Variants in CDC20B observed in about 807,000 individuals in gnomAD.
CDC20B encodes cell division cycle 20B.
Under a neutral mutation model 64.1 loss-of-function variants are expected in CDC20B, and 58 were observed. That is an observed-to-expected ratio of 0.90 (90% CI 0.73 to 1.13). CDC20B has a LOEUF of 1.13. Ranked by LOEUF, CDC20B falls within the 50% of genes most tolerant of loss-of-function variation. The pLI is 0.00. For synonymous variants in CDC20B, 243 were observed against 230.6 expected (o/e 1.05, Z -0.49); for missense variants, 597 against 633.0 (o/e 0.94, Z 0.61).
At chr5:55,131,747 T>G (rs1428805196) in intron 6 of CDC20B, among the ~76,000 whole-genome samples, 2 of 152,142 alleles carry the variant, frequency 1.3e-5, no homozygotes, top group Admixed American at 6.5e-5. Context: ...TTTTGAAAGT[T>G]GTACTGTCAA....
At chr5:55,152,862 G>T (rs866890836) in intron 2 of CDC20B, among the ~76,000 whole-genome samples, 4 of 152,146 alleles carry the variant, frequency 2.6e-5, no homozygotes, top group Admixed American at 2.0e-4. Context: ...CCTAGAGGCA[G>T]TTAGTACTAA....
chr5:55,129,738 G>A (rs1213153055), intron 6 of CDC20B, among the ~76,000 whole-genome samples: 1 of 152,226 alleles, frequency 6.6e-6, no homozygotes, highest in Non-Finnish European at 1.5e-5. Flanking sequence ...TGATCCACAT[G>A]TATGAGATAC....
At chr5:55,160,986 TCCGG>T (rs1425149560) in intron 2 of CDC20B, 1 of 1,587,910 alleles carries the variant, frequency 6.3e-7, no homozygotes, top group Admixed American at 1.8e-5. Context: ...TTTTTCTTTT[TCCGG>T]GAGGTTTCAC....
chr5:55,143,394 G>T, intron 4 of CDC20B, 119 bp downstream of exon 4: 1 of 1,017,974 alleles, frequency 9.8e-7, no homozygotes, highest in Non-Finnish European at 1.4e-6. Flanking sequence ...TTTTTATCAG[G>T]AATGCATCAT....
intron 5 of CDC20B, among the ~76,000 whole-genome samples, chr5:55,139,882 C>A (rs937358680): frequency 6.6e-6 from 1 of 151,974 alleles, no homozygotes; most frequent in Non-Finnish European, 1.5e-5. Context: ...AAAAAATTAA[C>A]CAGGCATGGT....
At chr5:55,124,641 A>T (rs1382330374) in intron 9 of CDC20B, among the ~76,000 whole-genome samples, 162 bp downstream of exon 9, 2 of 152,242 alleles carry the variant, frequency 1.3e-5, no homozygotes, top group African/African-American at 4.8e-5. Context: ...AGTGGAAAGT[A>T]TAAATAGGGT....
rs538900655 is a variant in CDC20B, at chr5:55,135,155, G to A, written c.581-1627C>T. ...CATGTGTGGTGACAAGGGATATAAG[G>A]GAACCTGCACCTTCTGCCTAACTTT... On this transcript the variant is annotated intron_variant, in intron 5 of 11. Transcript: ENST00000381375. Among the ~76,000 whole-genome samples the A allele has an allele frequency of 1.4e-4, 22 of 151,992 alleles. No individual in the cohort carries two copies. The South Asian group carries it at 2.3e-3, about 16-fold the overall frequency.
chr5:55,162,133 C>T (rs564276411), intron 2 of CDC20B, among the ~76,000 whole-genome samples: 5 of 150,474 alleles, frequency 3.3e-5, no homozygotes, highest in African/African-American at 7.3e-5. Flanking sequence ...CGGTGGCTCA[C>T]GCCTGTAATC....
intron 5 of CDC20B, among the ~76,000 whole-genome samples, chr5:55,136,331 G>A (rs1017867496): frequency 1.3e-5 from 2 of 151,906 alleles, no homozygotes; most frequent in Non-Finnish European, 1.5e-5. Flanking sequence ...AGGCCAAGGT[G>A]GGCAGATCAT....
At chr5:55,118,560 C>T (rs1190005954) in intron 11 of CDC20B, among the ~76,000 whole-genome samples, 1 of 152,190 alleles carries the variant, frequency 6.6e-6, no homozygotes, top group Admixed American at 6.5e-5. Flanking sequence ...CCATACCTAG[C>T]TGCTGGAATT....
rs1277791606 is a variant in CDC20B at position 55,120,382 on chromosome 5, C to T, written c.1341+43G>A. On this transcript the variant is annotated intron_variant, in intron 10 of 11. Transcript: ENST00000381375. The stretch of plus-strand genomic sequence containing the variant: ...TGTTGTAAACTATTTTCACAAGATT[C>T]CAGAAGATCAAAATGAAGATGAAGC... 4 of 1,610,656 alleles carry T rather than the reference C, an allele frequency of 2.5e-6. No individual in the cohort carries two copies. The East Asian group carries it at 6.7e-5, about 27-fold the overall frequency.
Position 55,146,711 on chromosome 5 carries a change from C to T in CDC20B, c.272G>A (p.Gly91Glu). The T allele has an allele frequency of 1.2e-6, 2 of 1,614,136 alleles. No homozygotes were observed. Among genetic ancestry groups the T allele is most frequent in the African/African-American group, 1.3e-5 (1 of 75,034 alleles). Residue 91 changes from glycine to glutamate, a missense_variant, in exon 3 of 12, where the codon GGG becomes GAG. Around this residue, in one of 3 missense-constraint regions of CDC20B, gnomAD observed 241 missense variants for 219.2 expected, o/e 1.10. Transcript: ENST00000381375. ...QTRALSSDSF[G>E]EEQSTTYLPE... ...GAGGTAGGTGGTTGACTGCTCTTCC[C>T]CAAAGGAATCAGAGGACAGAGCCCT...
intron 2 of CDC20B, among the ~76,000 whole-genome samples, chr5:55,152,988 C>T (rs967002628): frequency 6.6e-6 from 1 of 152,066 alleles, no homozygotes; most frequent in Non-Finnish European, 1.5e-5. Context: ...CTTATAATCC[C>T]AGCACTTGGG....
chr5:55,135,082 A>G (rs967745460), intron 5 of CDC20B, among the ~76,000 whole-genome samples: 2 of 152,302 alleles, frequency 1.3e-5, no homozygotes, highest in South Asian at 4.1e-4. Context: ...ATTGATTGTA[A>G]CAAATGTACC....
chr5:55,147,002 ATAT>A, intron 2 of CDC20B, 146 bp from the exon 3 acceptor site: 1 of 371,972 alleles, frequency 2.7e-6, no homozygotes. Context: ...TGTAACCTAG[ATAT>A]TATTTTATAT....
Position 55,163,479 on chromosome 5 carries a change from G to A in CDC20B, c.126+9109C>T, listed in dbSNP as rs973972068. Among the ~76,000 whole-genome samples, 6 of 151,996 alleles carry A rather than the reference G, an allele frequency of 3.9e-5. No individual in the cohort carries two copies. The East Asian group carries it at 1.2e-3, about 29-fold the overall frequency. ...CACACACCTGTAATCCCAGCAATTT[G>A]GGATTACAACTTTGCTTCATTTTTT... On this transcript the variant is annotated intron_variant, in intron 2 of 11. Coordinates refer to ENST00000381375, the MANE Select transcript of CDC20B (RefSeq NM_001170402.1).
chr5:55,132,740 T>C (rs1218111852), intron 6 of CDC20B, among the ~76,000 whole-genome samples: 1 of 152,244 alleles, frequency 6.6e-6, no homozygotes, highest in Non-Finnish European at 1.5e-5. Context: ...TGAATTTTTC[T>C]CCATAATCTG....
At chr5:55,172,749 C>CTTTTT (rs70989702) in intron 1 of CDC20B, 99 bp from the exon 2 acceptor site, 74 of 537,092 alleles carry the variant, frequency 1.4e-4, no homozygotes, top group South Asian at 5.0e-4. Context: ...TCAGATTACA[C>CTTTTT]TTTTTTTTTT....
chr5:55,152,133 C>T (rs553019754), intron 2 of CDC20B, among the ~76,000 whole-genome samples: 1 of 152,220 alleles, frequency 6.6e-6, no homozygotes, highest in Non-Finnish European at 1.5e-5. Flanking sequence ...TCACCAGAAA[C>T]CAGAAGAGGC....
Sources: allele counts gnomAD v4.1 joint callset (sites outside exome capture counted in the v4.1 genomes callset), GRCh38; gene constraint gnomAD v4.1.1; regional missense constraint gnomAD v4.1.1; transcripts MANE v1.5; gene names NCBI Gene and HGNC (gene_info 2026-07-23, HGNC 2026-07-21).